The following RPS6KC1 variants were observed in gnomAD, a reference collection of about 807,000 sequenced individuals.
RPS6KC1 encodes the protein inactive ribosomal protein S6 kinase delta-1.
In RPS6KC1, 54 loss-of-function variants were observed where a neutral mutation model predicts 103.8. That is an observed-to-expected ratio of 0.52 (90% confidence interval 0.42 to 0.65). RPS6KC1 has a LOEUF of 0.65. Ranked by LOEUF, RPS6KC1 falls within the 30% of genes least tolerant of loss-of-function variation. The probability of loss-of-function intolerance (pLI) is 0.00; values close to 1 mark genes in which losing one functional copy is unlikely to be tolerated. For missense variants in RPS6KC1, 1,151 were observed against 1,253.8 expected, an observed-to-expected ratio of 0.92 and a Z score of 1.24; for synonymous variants, 439 against 438.7, an observed-to-expected ratio of 1.00 and a Z score of -0.01.
the RPS6KC1 span, among the ~76,000 whole-genome samples, chr1:213,829,977 G>A: frequency 3.3e-5 from 5 of 152,282 alleles, no homozygotes; most frequent in East Asian, 9.6e-4. Context: ...CCCATCTGCC[G>A]AGACTTTGCA....
At chr1:213,449,776 G>C in the RPS6KC1 span, among the ~76,000 whole-genome samples, 1 of 152,174 alleles carries the variant, frequency 6.6e-6, no homozygotes, top group Non-Finnish European at 1.5e-5. Flanking sequence ...TCTTTCTGGA[G>C]GAGGACAGCC....
the RPS6KC1 span, among the ~76,000 whole-genome samples, chr1:213,764,303 G>A: frequency 2.6e-4 from 40 of 152,042 alleles, no homozygotes; most frequent in Non-Finnish European, 3.8e-4. Context: ...AGTGGCCCAG[G>A]GCAGTCAGCA....
intron 8 of RPS6KC1, among the ~76,000 whole-genome samples, chr1:213,201,365 A>G (rs2093156736): frequency 6.6e-6 from 1 of 152,230 alleles, no homozygotes; most frequent in African/African-American, 2.4e-5. Context: ...AAGAAGCTTT[A>G]TATTATATAA....
the RPS6KC1 span, among the ~76,000 whole-genome samples, chr1:213,672,072 T>G: frequency 6.6e-6 from 1 of 152,270 alleles, no homozygotes; most frequent in Non-Finnish European, 1.5e-5. Flanking sequence ...CAAGGATAGG[T>G]TGTTCCTTCT....
At chr1:213,520,715 C>T in the RPS6KC1 span, among the ~76,000 whole-genome samples, 32 of 152,134 alleles carry the variant, frequency 2.1e-4, no homozygotes, top group Non-Finnish European at 2.9e-5. Flanking sequence ...TTGGTGAGGG[C>T]TGATTTAGAA....
At chr1:213,374,980 TAC>T in the RPS6KC1 span, among the ~76,000 whole-genome samples, 1 of 151,814 alleles carries the variant, frequency 6.6e-6, no homozygotes, top group Non-Finnish European at 1.5e-5. Context: ...CAACTATTAC[TAC>T]ACACACACAT....
the RPS6KC1 span, among the ~76,000 whole-genome samples, chr1:213,780,199 G>A: frequency 2.0e-5 from 3 of 152,208 alleles, no homozygotes; most frequent in Non-Finnish European, 2.9e-5. Flanking sequence ...AGCCAAAGAA[G>A]GTGTATAGAT....
chr1:213,625,084 G>A, the RPS6KC1 span, among the ~76,000 whole-genome samples: 4 of 152,044 alleles, frequency 2.6e-5, no homozygotes, highest in African/African-American at 9.7e-5. Flanking sequence ...CCGGGTTCAA[G>A]CGATTCTCCT....
At chr1:213,654,593 G>C in the RPS6KC1 span, among the ~76,000 whole-genome samples, 1 of 152,260 alleles carries the variant, frequency 6.6e-6, no homozygotes, top group East Asian at 1.9e-4. Flanking sequence ...AAACACCATG[G>C]ATTTGATGTG....
At chr1:213,301,698 C>CTTACTTACTTATTTATTTAT in the RPS6KC1 span, among the ~76,000 whole-genome samples, 1 of 141,162 alleles carries the variant, frequency 7.1e-6, no homozygotes, top group African/African-American at 2.6e-5. Context: ...GACCCATTTA[C>CTTACTTACTTATTTATTTAT]TTATTTATTT....
chr1:213,259,509 G>C (rs970864140), intron 12 of RPS6KC1, among the ~76,000 whole-genome samples: 1 of 152,190 alleles, frequency 6.6e-6, no homozygotes, highest in Non-Finnish European at 1.5e-5. Flanking sequence ...GTTGCAGTGA[G>C]CCAAGATTGT....
At chr1:213,359,817 A>G in the RPS6KC1 span, among the ~76,000 whole-genome samples, 4,460 of 152,186 alleles carry the variant, frequency 0.029, 228 homozygotes, top group African/African-American at 0.1. Flanking sequence ...CACTTATGAA[A>G]CTTAGTTTGG....
At chr1:213,725,811 C>T in the RPS6KC1 span, among the ~76,000 whole-genome samples, 1 of 152,156 alleles carries the variant, frequency 6.6e-6, no homozygotes, top group Non-Finnish European at 1.5e-5. Flanking sequence ...CATTCTTTTA[C>T]TGTTTTGTTC....
chr1:213,067,293 C>T (rs973244789), intron 1 of RPS6KC1, among the ~76,000 whole-genome samples: 6 of 152,158 alleles, frequency 3.9e-5, no homozygotes, highest in African/African-American at 7.2e-5. Context: ...CTCAGATATT[C>T]GGGGTTCACA....
At chr1:213,570,433 A>G in the RPS6KC1 span, among the ~76,000 whole-genome samples, 3 of 152,142 alleles carry the variant, frequency 2.0e-5, no homozygotes, top group African/African-American at 4.8e-5. Flanking sequence ...CCACGTCCCA[A>G]CTGAAAAAGA....
chr1:213,384,365 A>G, the RPS6KC1 span, among the ~76,000 whole-genome samples: 1 of 152,042 alleles, frequency 6.6e-6, no homozygotes, highest in Admixed American at 6.6e-5. Context: ...TTTCTTGAGT[A>G]TCTGTGGTCT....
At chr1:213,547,100 G>A in the RPS6KC1 span, among the ~76,000 whole-genome samples, 1 of 152,086 alleles carries the variant, frequency 6.6e-6, no homozygotes, top group Non-Finnish European at 1.5e-5. Flanking sequence ...ATTAGACTGA[G>A]GTTATGGGGT....
chr1:213,135,768 G>C (rs1420565970), intron 6 of RPS6KC1, among the ~76,000 whole-genome samples: 1 of 152,174 alleles, frequency 6.6e-6, no homozygotes, highest in Non-Finnish European at 1.5e-5. Context: ...GATCCAGGAA[G>C]TGTCTGCCAA....
At chr1:213,751,152 G>A in the RPS6KC1 span, among the ~76,000 whole-genome samples, 2 of 152,118 alleles carry the variant, frequency 1.3e-5, no homozygotes, top group Non-Finnish European at 2.9e-5. Context: ...TAGATTATCA[G>A]AGTGTATCTG....
Sources: allele counts gnomAD v4.1 joint callset (sites outside exome capture counted in the v4.1 genomes callset), GRCh38; gene constraint gnomAD v4.1.1; transcripts MANE v1.5; gene names NCBI Gene and HGNC (gene_info 2026-07-23, HGNC 2026-07-21).